PANK4: variants seen among roughly 807,000 people sequenced by gnomAD.
The protein encoded by PANK4 is 4'-phosphopantetheine phosphatase.
In PANK4, 40 loss-of-function variants were observed where a neutral mutation model predicts 87.9. The ratio of observed to expected loss-of-function variants is 0.46; its 90% CI spans 0.35 to 0.59. PANK4 has a LOEUF of 0.59. Ranked by LOEUF, PANK4 falls within the 20% of genes least tolerant of loss-of-function variation. The probability of loss-of-function intolerance (pLI) is 0.00; values close to 1 mark genes in which losing one functional copy is unlikely to be tolerated. For synonymous variants in PANK4, 524 were observed against 467.4 expected (o/e 1.12, Z -1.56); for missense variants, 926 against 1,072.3 (o/e 0.86, Z 1.90).
In PANK4 at chr1:2,514,013, G is replaced by T; in HGVS notation, c.1564C>A (p.Pro522Thr). Reference protein sequence around the residue: ...HCLNEFNFPDPYSKVKQRENG... With the variant: ...HCLNEFNFPDTYSKVKQRENG... ...CACACTGCACTTACTTTGGAGTAGGGATCCGGGAAGTTGAACTCGTTCAGA... is the reference window on the plus strand; with the variant it reads ...CACACTGCACTTACTTTGGAGTAGGTATCCGGGAAGTTGAACTCGTTCAGA... The change falls in exon 12 of 19, where the codon CCC becomes ACC. Residue 522 changes from proline to threonine, a missense_variant. Transcript: ENST00000378466. 6.2e-7 allele frequency: 1 copy of T among 1,611,516 alleles called. No individual in the cohort carries two copies. The highest frequency in any genetic ancestry group is 8.5e-7 in the Non-Finnish European group (1 of 1,178,638).
At position 2,514,190 on chromosome 1, in the gene PANK4, T is replaced by C. The variant is rs1317570347; in HGVS notation, c.1488-101A>G. On this transcript the variant is annotated intron_variant, in intron 11 of 18. Coordinates refer to ENST00000378466, the MANE Select transcript of PANK4 (RefSeq NM_018216.4). Reference sequence around the variant, plus strand: ...ACGGACGTCCTCAGGAGCCCGGCAGTGCAAACGCTGCTTGAGGCGGGGTCC... The same window carrying C: ...ACGGACGTCCTCAGGAGCCCGGCAGCGCAAACGCTGCTTGAGGCGGGGTCC... 5 of 1,182,856 alleles carry C rather than the reference T, an allele frequency of 4.2e-6. No homozygotes were observed. The African/African-American group carries it at 7.5e-5, about 18-fold the overall frequency. The allele number at this position is 1,182,856 out of a possible 1,614,324, so 73.3% of individuals were successfully genotyped here.
At chr1:2,513,110 G>A (rs527835479) in intron 12 of PANK4, 71 bp from the exon 13 acceptor site, 124 of 1,483,916 alleles carry the variant, frequency 8.4e-5, no homozygotes, top group East Asian at 6.0e-4. Context: ...CCTGCCAGGC[G>A]CAGCCTGTTC....
In PANK4 at chr1:2,509,330, C is replaced by T. The variant is rs1406869572; in HGVS notation, c.2109-270G>A. Among the ~76,000 whole-genome samples, 2 of 152,210 alleles carry T rather than the reference C, an allele frequency of 1.3e-5. No individual in the cohort carries two copies. The highest frequency in any genetic ancestry group is 4.8e-5 in the African/African-American group (2 of 41,444). The stretch of plus-strand genomic sequence containing the variant: ...ATGGATTCCTTGTCATTTTCACGCC[C>T]TCCTTGTTGGTGAGAGTGGGGCTGG... On this transcript the variant is annotated intron_variant, in intron 18 of 18. Transcript: ENST00000378466. The surrounding 1 kb of genome is among the most constrained non-coding windows in gnomAD (Gnocchi z 4.9).
chr1:2,518,948 G>A (rs1212612085), intron 7 of PANK4, among the ~76,000 whole-genome samples, 195 bp downstream of exon 7: 1 of 152,238 alleles, frequency 6.6e-6, no homozygotes, highest in East Asian at 1.9e-4. Context: ...CACTGGTGAT[G>A]TACTCAAACT....
In PANK4 at chr1:2,511,286, C is replaced by A. The variant is rs75446445; in HGVS notation, c.1833+52G>T. On this transcript the variant is annotated intron_variant, in intron 15 of 18. Transcript: ENST00000378466. The stretch of plus-strand genomic sequence containing the variant: ...CCCACCTCCCTCCAGTGACCACCCC[C>A]CCGGGCCCCGCTGTGTCCCCAGCAG... 5.8e-3 allele frequency: 7,877 copies of A among 1,354,826 alleles called. 418 individuals are homozygous for A. The Admixed American group carries it at 0.094, about 16-fold the overall frequency. The allele number at this position is 1,354,826 out of a possible 1,614,324, so 83.9% of individuals were successfully genotyped here. A position where few individuals can be genotyped will look rare whatever the true frequency, so the allele number is the denominator to read the frequency against.
chr1:2,520,061 TGGGCCCTCATCGCGTGGGACCAAA>T lies in PANK4; in HGVS notation c.700-131_700-108del. ...GAGGCACGCGCGGGCAGGGGGTAAATGGGCCCTCATCGCGTGGGACCAAAGGCAGGAGGCGGCAAGCGGGACCCT... is the reference window on the plus strand; with the variant it reads ...GAGGCACGCGCGGGCAGGGGGTAAATGGCAGGAGGCGGCAAGCGGGACCCT... On this transcript the variant is annotated intron_variant, in intron 5 of 18. Transcript: ENST00000378466. The surrounding 1 kb of genome is among the most constrained non-coding windows in gnomAD (Gnocchi z 6.2). The T allele has an allele frequency of 9.1e-7, 1 of 1,101,210 alleles. No homozygotes were observed. 68.2% of individuals were successfully genotyped at this position (1,101,210 alleles called of 1,614,324 possible).
intron 15 of PANK4, 137 bp downstream of exon 15, chr1:2,511,201 C>G: frequency 1.4e-6 from 1 of 689,792 alleles, no homozygotes; most frequent in Non-Finnish European, 2.6e-6. Flanking sequence ...TGCTGAGACC[C>G]TTGGCTCGCA....
At position 2,510,241 on chromosome 1, in the gene PANK4, GGCTGGGTGAGGGT is replaced by G. The variant is rs1026513259; in HGVS notation, c.1939-97_1939-85del. The G allele has an allele frequency of 2.2e-6, 2 of 899,810 alleles. No individual in the cohort carries two copies. The highest frequency in any genetic ancestry group is 3.6e-6 in the Non-Finnish European group (2 of 556,228). 55.7% of individuals were successfully genotyped at this position (899,810 alleles called of 1,614,324 possible). A position where few individuals can be genotyped will look rare whatever the true frequency, so the allele number is the denominator to read the frequency against. On this transcript the variant is annotated intron_variant, in intron 16 of 18. Transcript: ENST00000378466. This position sits in a 1 kb window ranked among gnomAD's most constrained non-coding sequence, Gnocchi z 4.9. ...GTGCACCCCGGCCTTCGAGTGGCTG[GGCTGGGTGAGGGT>G]GCTGTGCCCAGCGGGCCTGGCCAGC... is the stretch of plus-strand genomic sequence containing the variant.
Position 2,510,645 on chromosome 1 carries a change from G to C in PANK4, c.1938+33C>G, listed in dbSNP as rs930151410. ...CCCCACCGAGAGCAGAGAAGCCCAG[G>C]GGAAGGGCCCCACCCACCACCTCAA... On this transcript the variant is annotated intron_variant, in intron 16 of 18. Coordinates refer to ENST00000378466, the MANE Select transcript of PANK4 (RefSeq NM_018216.4). This position sits in a 1 kb window ranked among gnomAD's most constrained non-coding sequence, Gnocchi z 4.9. The C allele has an allele frequency of 7.6e-7, 1 of 1,313,618 alleles. No individual in the cohort carries two copies. Among genetic ancestry groups the C allele is most frequent in the African/African-American group, 1.5e-5 (1 of 68,526 alleles). 81.4% of individuals were successfully genotyped at this position (1,313,618 alleles called of 1,614,324 possible).
chr1:2,519,649 A>T lies in PANK4; in HGVS notation c.853+152T>A, dbSNP rs1273584888. On this transcript the variant is annotated intron_variant, in intron 6 of 18. Transcript: ENST00000378466. The surrounding 1 kb of genome is among the most constrained non-coding windows in gnomAD (Gnocchi z 8.3). ...TGAGCAGTGGGCCTGAGCTGCAGCG[A>T]CTCGGCAGGAAGAGGTTACAGGGCT... 1.3e-6 allele frequency: 1 copy of T among 762,906 alleles called. No individual in the cohort carries two copies. The highest frequency in any genetic ancestry group is 1.8e-5 in the African/African-American group (1 of 56,748). The allele number at this position is 762,906 out of a possible 1,614,324, so 47.3% of individuals were successfully genotyped here.
chr1:2,514,263 G>T, intron 11 of PANK4, 91 bp downstream of exon 11: 1 of 1,192,606 alleles, frequency 8.4e-7, no homozygotes, highest in Non-Finnish European at 1.2e-6. Context: ...GCGAGCTGGG[G>T]TCCGAATGCC....
chr1:2,521,224 T>C lies in PANK4; in HGVS notation c.299A>G (p.Tyr100Cys). ...GATGAAGTCCAGGCAGGCTTCGATGTAGGTATTCTCAAACTTAATGAAGTG... is the reference window on the plus strand; with the variant it reads ...GATGAAGTCCAGGCAGGCTTCGATGCAGGTATTCTCAAACTTAATGAAGTG... ...RLHFIKFENT[Y>C]IEACLDFIKD... The change falls in exon 3 of 19, where the codon TAC (tyrosine) becomes TGC (cysteine). Residue 100 changes from tyrosine to cysteine, a missense_variant. Tyr to Cys is a radical substitution (Grantham distance 194, BLOSUM62 -2). Coordinates refer to ENST00000378466, the MANE Select transcript of PANK4 (RefSeq NM_018216.4). 2 of 1,613,794 alleles carry C rather than the reference T, an allele frequency of 1.2e-6. No individual in the cohort carries two copies. The highest frequency in any genetic ancestry group is 1.7e-6 in the Non-Finnish European group (2 of 1,179,838).
chr1:2,522,860 T>C (rs1643888554), intron 1 of PANK4, among the ~76,000 whole-genome samples: 1 of 142,758 alleles, frequency 7.0e-6, no homozygotes, highest in Non-Finnish European at 1.5e-5. Context: ...TGTGGTGCTA[T>C]AGTGACTTAA....
At position 2,521,698 on chromosome 1, in the gene PANK4, T is replaced by TA. The variant is rs1393546361; in HGVS notation, c.207+19_207+20insT. ...AGAGAAGCGGCTGCCCTGCCCCGGG[T>TA]GGCCACAGTGCAGGCTCACCTTTCC... On this transcript the variant is annotated intron_variant, in intron 2 of 18. Coordinates refer to ENST00000378466, the MANE Select transcript of PANK4 (RefSeq NM_018216.4). 2 of 1,596,500 alleles carry TA rather than the reference T, an allele frequency of 1.3e-6. No homozygotes were observed. Among genetic ancestry groups the TA allele is most frequent in the Non-Finnish European group, 1.7e-6 (2 of 1,164,474 alleles).
intron 13 of PANK4, 160 bp downstream of exon 13, chr1:2,512,728 T>G: frequency 2.8e-6 from 2 of 702,496 alleles, no homozygotes; most frequent in Non-Finnish European, 2.5e-6. Context: ...CCCCTGGCGC[T>G]GCTGCCATGT....
intron 2 of PANK4, 114 bp from the exon 3 acceptor site, chr1:2,521,429 G>T: frequency 1.1e-6 from 1 of 899,680 alleles, no homozygotes; most frequent in Non-Finnish European, 1.8e-6. Flanking sequence ...ACCAGGCGGC[G>T]CTCTGAGGCA....
In PANK4 at chr1:2,521,372, T is replaced by C. The variant is rs532480265; in HGVS notation, c.208-57A>G. ...TGTGGGACACCGCGCCGGGCTGGGC[T>C]GTGCGCACCCTGCCCTAGTGGAGCT... On this transcript the variant is annotated intron_variant, in intron 2 of 18. Transcript: ENST00000378466. 3 of 1,331,908 alleles carry C rather than the reference T, an allele frequency of 2.3e-6. No individual in the cohort carries two copies. The East Asian group carries it at 6.9e-5, about 31-fold the overall frequency. The allele number at this position is 1,331,908 out of a possible 1,614,324, so 82.5% of individuals were successfully genotyped here.
In PANK4 at chr1:2,510,809, T is replaced by G; in HGVS notation, c.1834-27A>C. Reference sequence around the variant, plus strand: ...TGTAAGACAAAACCAGGACGTTCAGTTGGGAACAGGCGCATCCAAGCGAGT... The same window carrying G: ...TGTAAGACAAAACCAGGACGTTCAGGTGGGAACAGGCGCATCCAAGCGAGT... On this transcript the variant is annotated intron_variant, in intron 15 of 18. Coordinates refer to ENST00000378466, the MANE Select transcript of PANK4 (RefSeq NM_018216.4). The surrounding 1 kb of genome is among the most constrained non-coding windows in gnomAD (Gnocchi z 4.9). 7.3e-7 allele frequency: 1 copy of G among 1,362,936 alleles called. No individual in the cohort carries two copies. Among genetic ancestry groups the G allele is most frequent in the Non-Finnish European group, 1.1e-6 (1 of 951,848 alleles). 84.4% of individuals were successfully genotyped at this position (1,362,936 alleles called of 1,614,324 possible).
rs1452189714 is a variant in PANK4 at position 2,519,641 on chromosome 1, C to A, written c.853+160G>T. ...CGACGTTCTGAGCAGTGGGCCTGAG[C>A]TGCAGCGACTCGGCAGGAAGAGGTT... On this transcript the variant is annotated intron_variant, in intron 6 of 18. Transcript: ENST00000378466. The surrounding 1 kb of genome is among the most constrained non-coding windows in gnomAD (Gnocchi z 8.3). Among the ~76,000 whole-genome samples, 2 of 152,274 alleles carry A rather than the reference C, an allele frequency of 1.3e-5. No individual in the cohort carries two copies. Among genetic ancestry groups the A allele is most frequent in the Non-Finnish European group, 2.9e-5 (2 of 68,048 alleles).
Sources: allele counts gnomAD v4.1 joint callset (sites outside exome capture counted in the v4.1 genomes callset), GRCh38; gene constraint gnomAD v4.1.1; non-coding constraint Gnocchi (gnomAD v3.1); transcripts MANE v1.5; gene names NCBI Gene and HGNC (gene_info 2026-07-23, HGNC 2026-07-21).